Variants in PDGFC observed in about 807,000 individuals in gnomAD.
PDGFC encodes the protein platelet derived growth factor C.
A neutral mutation model predicts 35.5 loss-of-function variants in PDGFC; 12 were observed. The ratio of observed to expected loss-of-function variants is 0.34; its 90% CI spans 0.22 to 0.55. The LOEUF is 0.55. Ranked by LOEUF, PDGFC falls within the 20% of genes least tolerant of loss-of-function variation. The probability of loss-of-function intolerance (pLI) is 0.91; values close to 1 mark genes in which losing one functional copy is unlikely to be tolerated. For synonymous variants in PDGFC, 159 were observed against 148.8 expected (o/e 1.07, Z -0.50); for missense variants, 322 against 412.4 (o/e 0.78, Z 1.90).
chr4:156,889,202 AT>A (rs770751143), intron 1 of PDGFC, among the ~76,000 whole-genome samples: 1 of 151,980 alleles, frequency 6.6e-6, no homozygotes, highest in Admixed American at 6.6e-5. Context: ...GCACATTATT[AT>A]TTTTTTCTCA....
At chr4:156,909,853 A>T (rs1393932068) in intron 1 of PDGFC, among the ~76,000 whole-genome samples, 13 of 152,190 alleles carry the variant, frequency 8.5e-5, no homozygotes, top group Admixed American at 8.5e-4. Flanking sequence ...AGATAAGAGC[A>T]TCTTGGATTT....
At chr4:156,937,306 T>C (rs1731706265) in intron 1 of PDGFC, among the ~76,000 whole-genome samples, 1 of 152,188 alleles carries the variant, frequency 6.6e-6, no homozygotes, top group Non-Finnish European at 1.5e-5. Flanking sequence ...GGAAAAAATC[T>C]TGTTATCTTT....
At chr4:156,861,469 A>T in intron 1 of PDGFC, 1 of 1,262,586 alleles carries the variant, frequency 7.9e-7, no homozygotes, top group Non-Finnish European at 1.0e-6. Context: ...GCCAGTCCAG[A>T]TGCTTGGATA....
chr4:156,920,905 C>T (rs761785022), intron 1 of PDGFC, among the ~76,000 whole-genome samples: 14 of 152,036 alleles, frequency 9.2e-5, no homozygotes, highest in Admixed American at 5.2e-4. Context: ...TGTTACAGAC[C>T]GAAAGTTAAA....
chr4:156,935,122 C>T (rs1376096596), intron 1 of PDGFC, among the ~76,000 whole-genome samples: 1 of 152,080 alleles, frequency 6.6e-6, no homozygotes, highest in African/African-American at 2.4e-5. Context: ...CTCAGCCTCC[C>T]GAGTGGCTGG....
intron 2 of PDGFC, among the ~76,000 whole-genome samples, chr4:156,826,071 C>T (rs561168771): frequency 3.0e-4 from 45 of 149,260 alleles, no homozygotes; most frequent in Middle Eastern, 3.6e-3. Flanking sequence ...GTCTTTATTG[C>T]CTAGGCTGCT....
chr4:156,867,388 T>C (rs1729870364), intron 1 of PDGFC, among the ~76,000 whole-genome samples: 1 of 152,248 alleles, frequency 6.6e-6, no homozygotes, highest in African/African-American at 2.4e-5. Context: ...GTGATACTTC[T>C]TTCTCTTAAA....
At chr4:156,771,561 T>C (rs1730693955) in intron 4 of PDGFC, among the ~76,000 whole-genome samples, 1 of 152,134 alleles carries the variant, frequency 6.6e-6, no homozygotes, top group Non-Finnish European at 1.5e-5. Context: ...TGATTTCAAA[T>C]ATTGCCAAAA....
intron 1 of PDGFC, among the ~76,000 whole-genome samples, chr4:156,932,932 AACAC>A (rs1244460565): frequency 2.0e-5 from 3 of 151,648 alleles, no homozygotes; most frequent in Non-Finnish European, 4.4e-5. Flanking sequence ...CACACACACA[AACAC>A]ACACACACAA....
At position 156,821,711 on chromosome 4, in the gene PDGFC, G is replaced by C. The variant is rs1579031947; in HGVS notation, c.315-10694C>G. Among the ~76,000 whole-genome samples, 3 of 151,998 alleles carry C rather than the reference G, an allele frequency of 2.0e-5. No individual in the cohort carries two copies. In the South Asian group the frequency reaches 6.2e-4, roughly 32 times the overall value. ...TACAGGTGTGCACCACCATGGCCTGGCTAATTTTTTGTATTTTTAGTAGAG... is the reference window on the plus strand; with the variant it reads ...TACAGGTGTGCACCACCATGGCCTGCCTAATTTTTTGTATTTTTAGTAGAG... On this transcript the variant is annotated intron_variant, in intron 2 of 5. Coordinates refer to ENST00000502773, the MANE Select transcript of PDGFC (RefSeq NM_016205.3).
chr4:156,916,962 A>G (rs1400143017), intron 1 of PDGFC, among the ~76,000 whole-genome samples: 5 of 152,214 alleles, frequency 3.3e-5, no homozygotes, highest in Admixed American at 3.3e-4. Context: ...TGTAACTGCA[A>G]AAGCCACAGG....
chr4:156,878,034 T>G (rs781604547), intron 1 of PDGFC, among the ~76,000 whole-genome samples: 19 of 152,180 alleles, frequency 1.2e-4, no homozygotes, highest in Non-Finnish European at 2.2e-4. Flanking sequence ...GAAGGTAAGT[T>G]CCCGAGGTAT....
At chr4:156,791,834 T>C (rs900862985) in intron 3 of PDGFC, among the ~76,000 whole-genome samples, 1 of 152,242 alleles carries the variant, frequency 6.6e-6, no homozygotes, top group Admixed American at 6.5e-5. Context: ...TTAAAACATA[T>C]TAAAAACATG....
At chr4:156,873,737 T>G (rs989093866) in intron 1 of PDGFC, among the ~76,000 whole-genome samples, 4 of 152,310 alleles carry the variant, frequency 2.6e-5, no homozygotes, top group African/African-American at 9.6e-5. Flanking sequence ...AATGTGTTCA[T>G]TGTTTTAATC....
intron 3 of PDGFC, chr4:156,779,176 T>A (rs1241533043): frequency 2.2e-6 from 1 of 456,192 alleles, no homozygotes; most frequent in Admixed American, 2.3e-5. Context: ...GACACAAGAA[T>A]GTCCTGAAAC....
intron 1 of PDGFC, among the ~76,000 whole-genome samples, chr4:156,926,411 C>T (rs1731415699): frequency 6.6e-6 from 1 of 152,108 alleles, no homozygotes; most frequent in African/African-American, 2.4e-5. Context: ...GGCAGGGTCC[C>T]TGGCAAGGGC....
intron 3 of PDGFC, among the ~76,000 whole-genome samples, chr4:156,809,711 GA>G (rs71602279): frequency 1.3e-5 from 2 of 149,430 alleles, no homozygotes; most frequent in East Asian, 2.0e-4. Flanking sequence ...CACAAAATCA[GA>G]AAAAAAAACC....
chr4:156,823,370 A>G (rs1030124523), intron 2 of PDGFC, among the ~76,000 whole-genome samples: 3 of 152,260 alleles, frequency 2.0e-5, no homozygotes, highest in Non-Finnish European at 4.4e-5. Flanking sequence ...TGTTGTGAAG[A>G]TTAAACAGAG....
intron 1 of PDGFC, among the ~76,000 whole-genome samples, chr4:156,855,605 C>T (rs1729555621): frequency 6.6e-6 from 1 of 152,080 alleles, no homozygotes; most frequent in Non-Finnish European, 1.5e-5. Context: ...TGTAAAAATG[C>T]ATTTCTCTTA....
Sources: allele counts gnomAD v4.1 joint callset (sites outside exome capture counted in the v4.1 genomes callset), GRCh38; gene constraint gnomAD v4.1.1; transcripts MANE v1.5; gene names NCBI Gene and HGNC (gene_info 2026-07-23, HGNC 2026-07-21).